OTC: variants seen among roughly 807,000 people sequenced by gnomAD.
OTC encodes the protein ornithine transcarbamylase, mitochondrial.
Under a neutral mutation model 30.3 loss-of-function variants are expected in OTC, and 3 were observed. That is an observed-to-expected ratio of 0.10 (90% CI 0.05 to 0.26). The LOEUF (loss-of-function observed/expected upper bound fraction) is 0.26, where lower values mean the gene tolerates loss of function less well. OTC is among the 10% of genes least tolerant of loss of function. OTC has a pLI of 1.00. For synonymous variants in OTC, 111 were observed against 99.7 expected, an observed-to-expected ratio of 1.11 and a Z score of -0.67; for missense variants, 194 against 260.3, an observed-to-expected ratio of 0.75 and a Z score of 1.75.
upstream of OTC, among the ~76,000 whole-genome samples, chrX:38,348,245 T>G (rs755824584): frequency 4.4e-5 from 5 of 112,386 alleles, no homozygotes; most frequent in South Asian, 3.7e-4. Context: ...TCTTTGTCTC[T>G]TTGCCTCTAT....
chrX:38,359,840 G>T (rs1026130384), intron 1 of OTC, among the ~76,000 whole-genome samples: 12 of 111,009 alleles, frequency 1.1e-4, no homozygotes, highest in Non-Finnish European at 2.1e-4. Context: ...AACTTGGTCA[G>T]GATGTTGAAA....
At chrX:38,387,520 A>C (rs1324227882) in intron 4 of OTC, among the ~76,000 whole-genome samples, 1 of 111,502 alleles carries the variant, frequency 9.0e-6, no homozygotes, top group Non-Finnish European at 1.9e-5. Context: ...CATTTTGTAT[A>C]ATCTAGAGGT....
intron 6 of OTC, among the ~76,000 whole-genome samples, chrX:38,407,297 C>CA: frequency 8.9e-6 from 1 of 112,464 alleles, no homozygotes; most frequent in East Asian, 2.8e-4. Context: ...CTCTCTGCAG[C>CA]AGAGGCAGTG....
chrX:38,367,234 T>A, intron 1 of OTC, 57 bp from the exon 2 acceptor site: 1 of 993,818 alleles, frequency 1.0e-6, no homozygotes, highest in Admixed American at 2.3e-5. Context: ...TGAATCACCA[T>A]AGTACATGGG....
chrX:38,370,787 A>G (rs182927481), intron 3 of OTC, among the ~76,000 whole-genome samples: 1 of 110,963 alleles, frequency 9.0e-6, no homozygotes, highest in African/African-American at 3.3e-5. Context: ...TCACCCTTCA[A>G]AGTGTCTGTG....
intron 8 of OTC, among the ~76,000 whole-genome samples, chrX:38,411,440 C>A (rs190858976): frequency 1.8e-5 from 2 of 108,518 alleles, no homozygotes; most frequent in African/African-American, 6.7e-5. Flanking sequence ...GCGAGGCGGG[C>A]GGATCATTTG....
intron 3 of OTC, among the ~76,000 whole-genome samples, chrX:38,373,939 T>C (rs2068333738): frequency 9.0e-6 from 1 of 111,621 alleles, no homozygotes. Context: ...CCGAGGCAGG[T>C]GGATCACGAG....
chrX:38,408,734 TC>T lies in OTC; in HGVS notation c.664-6del. The T allele has an allele frequency of 8.5e-7, 1 of 1,171,502 alleles. No individual in the cohort carries two copies. The highest frequency in any genetic ancestry group is 1.2e-6 in the Non-Finnish European group (1 of 859,190). On this transcript the variant is annotated splice_polypyrimidine_tract_variant and splice_region_variant and intron_variant, in intron 6 of 9. Coordinates refer to ENST00000039007, the MANE Select transcript of OTC (RefSeq NM_000531.6). Reference sequence around the variant, plus strand: ...ACCTAAATAAGATTTAAATTCTTCCTCCTTTAGGGTTATGAGCCGGATGCTA... The same window carrying T: ...ACCTAAATAAGATTTAAATTCTTCCTCTTTAGGGTTATGAGCCGGATGCTA...
chrX:38,344,238 T>TAC, the OTC span, among the ~76,000 whole-genome samples: 172 of 43,328 alleles, frequency 4.0e-3, no homozygotes, highest in South Asian at 0.015. Context: ...GATATATATA[T>TAC]ATACACACAC....
At chrX:38,363,627 A>G (rs1348953749) in intron 1 of OTC, among the ~76,000 whole-genome samples, 1 of 111,175 alleles carries the variant, frequency 9.0e-6, no homozygotes, top group Non-Finnish European at 1.9e-5. Flanking sequence ...AAAACACATA[A>G]CCAAAATTTG....
chrX:38,403,868 G>C (rs1602031177), intron 6 of OTC, 128 bp downstream of exon 6: 9 of 685,676 alleles, frequency 1.3e-5, no homozygotes, highest in African/African-American at 2.1e-5. Context: ...TTTAGGTTAC[G>C]TTACCAGCCC....
chrX:38,384,055 C>T (rs1416993465), intron 4 of OTC, among the ~76,000 whole-genome samples: 1 of 112,195 alleles, frequency 8.9e-6, no homozygotes, highest in Non-Finnish European at 1.9e-5. Context: ...AGATTAGGCA[C>T]TGAACATATT....
chrX:38,341,491 C>CT, the OTC span, among the ~76,000 whole-genome samples: 4 of 111,794 alleles, frequency 3.6e-5, no homozygotes, highest in African/African-American at 1.3e-4. Context: ...TAGAAAATGA[C>CT]TGAGTTGTTT....
chrX:38,356,842 G>C (rs2147317995), intron 1 of OTC, among the ~76,000 whole-genome samples: 1 of 111,838 alleles, frequency 8.9e-6, no homozygotes, highest in East Asian at 2.8e-4. Context: ...TGGCAACAGT[G>C]AGGAGGGTTT....
chrX:38,409,596 T>A (rs2068533435), intron 8 of OTC, among the ~76,000 whole-genome samples: 1 of 112,225 alleles, frequency 8.9e-6, no homozygotes. Context: ...GGGTTTCTGA[T>A]TCAGTAGGTC....
At chrX:38,368,315 G>A (rs1246100270) in intron 2 of OTC, among the ~76,000 whole-genome samples, 2 of 111,600 alleles carry the variant, frequency 1.8e-5, no homozygotes, top group Non-Finnish European at 3.8e-5. Context: ...AGCCAAGATC[G>A]TGCCATTGCT....
chrX:38,414,185 C>T (rs1046324581), intron 9 of OTC, among the ~76,000 whole-genome samples: 4 of 112,130 alleles, frequency 3.6e-5, no homozygotes, highest in Non-Finnish European at 7.5e-5. Context: ...CAAAGTAGAT[C>T]CTTTGTAGAA....
chrX:38,361,977 G>A (rs1360326434), intron 1 of OTC, among the ~76,000 whole-genome samples: 1 of 109,332 alleles, frequency 9.1e-6, no homozygotes, highest in East Asian at 2.8e-4. Flanking sequence ...AACTGCCTGT[G>A]TTTAAAAAAA....
chrX:38,421,162 C>A lies in OTC; in HGVS notation c.*80C>A. 1 of 712,483 alleles carries A rather than the reference C, an allele frequency of 1.4e-6. No homozygotes were observed. The highest frequency in any genetic ancestry group is 2.2e-6 in the Non-Finnish European group (1 of 446,304). The allele number at this position is 712,483 out of a possible 1,213,427, so 58.7% of individuals were successfully genotyped here. On this transcript the variant is annotated 3_prime_UTR_variant, in exon 10 of 10. Transcript: ENST00000039007. ...GTTTATGGGGAAAAGAGAAGAGAAT[C>A]TAAAAAATAAACAAATCCCTAACAC... is the stretch of plus-strand genomic sequence containing the variant.
Sources: gnomAD v4.1 joint callset for allele counts (sites outside exome capture counted in the v4.1 genomes callset) on GRCh38, gnomAD v4.1.1 for gene constraint, MANE v1.5 for transcripts, NCBI Gene and HGNC (gene_info 2026-07-23, HGNC 2026-07-21) for gene names.